The following NCAM2 variants were observed in gnomAD, a reference collection of about 807,000 sequenced individuals.
NCAM2 encodes neural cell adhesion molecule 2, also known as N-CAM-2.
Under a neutral mutation model 98.1 loss-of-function variants are expected in NCAM2, and 30 were observed. The ratio of observed to expected loss-of-function variants is 0.31; its 90% CI spans 0.23 to 0.41. The LOEUF is 0.41. Among genes scored for constraint, NCAM2 ranks in the 10% least tolerant of loss-of-function variants. The probability of loss-of-function intolerance (pLI) is 1.00; values close to 1 mark genes in which losing one functional copy is unlikely to be tolerated. For missense variants in NCAM2, 867 were observed against 1,005.8 expected (o/e 0.86, Z 1.87); for synonymous variants, 368 against 342.4 (o/e 1.07, Z -0.83).
intron 1 of NCAM2, among the ~76,000 whole-genome samples, chr21:21,233,683 A>G (rs1479869841): frequency 2.0e-5 from 3 of 151,768 alleles, no homozygotes; most frequent in Non-Finnish European, 4.4e-5. Flanking sequence ...ATCACCCACT[A>G]TAGATACAAA....
intron 1 of NCAM2, among the ~76,000 whole-genome samples, chr21:21,089,145 G>A (rs1158120292): frequency 6.6e-6 from 1 of 151,932 alleles, no homozygotes; most frequent in East Asian, 1.9e-4. Context: ...CTGAATACAA[G>A]GATTACTTCG....
intron 8 of NCAM2, among the ~76,000 whole-genome samples, chr21:21,371,311 A>G (rs2075909346): frequency 6.6e-6 from 1 of 151,852 alleles, no homozygotes; most frequent in South Asian, 2.1e-4. Context: ...TTCTGTCTAC[A>G]TATTTAGCAG....
chr21:21,288,859 T>C (rs533186179), intron 4 of NCAM2, among the ~76,000 whole-genome samples: 10 of 152,052 alleles, frequency 6.6e-5, no homozygotes, highest in African/African-American at 2.2e-4. Flanking sequence ...GAAATGCTCA[T>C]CTTATTAGCT....
rs139026025 is a variant in NCAM2 at position 21,194,817 on chromosome 21, A to G, written c.56-85761A>G. Among the ~76,000 whole-genome samples, 660 of 152,282 alleles carry G rather than the reference A, an allele frequency of 4.3e-3. 9 individuals carry two copies. The highest frequency in any genetic ancestry group is 0.015 in the African/African-American group (635 of 41,582). On this transcript the variant is annotated intron_variant, in intron 1 of 17. Coordinates refer to ENST00000400546, the MANE Select transcript of NCAM2 (RefSeq NM_004540.5). ...AATAATTACTGCAATCAAATTACCT[A>G]ACATCCATCACCACTCATGTTGTAC... is the stretch of plus-strand genomic sequence containing the variant.
intron 1 of NCAM2, among the ~76,000 whole-genome samples, chr21:21,140,886 T>C (rs1038751039): frequency 3.9e-5 from 6 of 152,164 alleles, no homozygotes; most frequent in African/African-American, 1.4e-4. Flanking sequence ...GTGTAGCAGT[T>C]ACTCTAAGAA....
intron 15 of NCAM2, among the ~76,000 whole-genome samples, chr21:21,503,949 A>G (rs1166364350): frequency 1.3e-5 from 2 of 151,988 alleles, no homozygotes. Context: ...AGCTTAAAGC[A>G]GAAATATAAG....
chr21:21,359,097 T>G (rs919302154), intron 8 of NCAM2, among the ~76,000 whole-genome samples: 1 of 151,712 alleles, frequency 6.6e-6, no homozygotes, highest in Admixed American at 6.6e-5. Flanking sequence ...ATTTTCACGC[T>G]GTGTGTGTGT....
chr21:21,312,263 A>T (rs1480414037), intron 5 of NCAM2, among the ~76,000 whole-genome samples: 1 of 151,840 alleles, frequency 6.6e-6, no homozygotes, highest in Non-Finnish European at 1.5e-5. Context: ...ATGTTATTAC[A>T]TGATTTTTTC....
chr21:21,280,754 A>G lies in NCAM2; in HGVS notation c.130+102A>G, dbSNP rs954657009. ...CTAGTTAAAAACTCAGTTCTCTAAC[A>G]ATAACATCTTACAGTTGGTTTTTTG... is the stretch of plus-strand genomic sequence containing the variant. On this transcript the variant is annotated intron_variant, in intron 2 of 17. Transcript: ENST00000400546. 8 of 713,456 alleles carry G rather than the reference A, an allele frequency of 1.1e-5. No individual in the cohort carries two copies. In the African/African-American group the frequency reaches 1.5e-4, roughly 13 times the overall value. 44.2% of individuals were successfully genotyped at this position (713,456 alleles called of 1,614,324 possible).
intron 15 of NCAM2, among the ~76,000 whole-genome samples, chr21:21,482,698 C>A (rs1284909403): frequency 6.6e-6 from 1 of 151,606 alleles, no homozygotes; most frequent in Non-Finnish European, 1.5e-5. Context: ...AATAATTTTT[C>A]TTGTAAGTAT....
chr21:21,342,299 T>G (rs1465700869), intron 8 of NCAM2, among the ~76,000 whole-genome samples: 1 of 152,190 alleles, frequency 6.6e-6, no homozygotes, highest in East Asian at 1.9e-4. Flanking sequence ...GATCAGAAGT[T>G]TGAGTAAGGC....
chr21:21,526,051 TAGTG>T (rs1421302626), intron 16 of NCAM2, among the ~76,000 whole-genome samples: 2 of 152,092 alleles, frequency 1.3e-5, no homozygotes, highest in African/African-American at 4.8e-5. Context: ...TTTTACATCT[TAGTG>T]AGTAACTAGA....
chr21:21,473,891 C>A (rs1255474598), intron 14 of NCAM2, among the ~76,000 whole-genome samples: 1 of 120,976 alleles, frequency 8.3e-6, no homozygotes. Context: ...TATGGCCCTG[C>A]TATTTTCTGA....
At chr21:21,036,679 C>A (rs779238265) in intron 1 of NCAM2, among the ~76,000 whole-genome samples, 9 of 152,078 alleles carry the variant, frequency 5.9e-5, no homozygotes, top group Non-Finnish European at 1.3e-4. Flanking sequence ...AGCCAAAGAA[C>A]AATGGCCTTG....
chr21:21,259,476 C>T (rs1315526926), intron 1 of NCAM2, among the ~76,000 whole-genome samples: 2 of 151,438 alleles, frequency 1.3e-5, no homozygotes, highest in African/African-American at 4.8e-5. Context: ...CCTCAGTACA[C>T]CTCAACACAA....
At chr21:21,482,015 T>C (rs143936825) in intron 15 of NCAM2, among the ~76,000 whole-genome samples, 3,997 of 152,110 alleles carry the variant, frequency 0.026, 85 homozygotes, top group Non-Finnish European at 0.045. Flanking sequence ...GGAGAATTGC[T>C]TGAACCCGGG....
intron 5 of NCAM2, among the ~76,000 whole-genome samples, chr21:21,304,127 T>C (rs1057139499): frequency 6.6e-6 from 1 of 152,154 alleles, no homozygotes; most frequent in Non-Finnish European, 1.5e-5. Context: ...TTAATTTTTC[T>C]TTTTTCATAT....
intron 1 of NCAM2, among the ~76,000 whole-genome samples, chr21:21,014,552 C>T (rs2064270923): frequency 6.6e-6 from 1 of 152,084 alleles, no homozygotes; most frequent in Admixed American, 6.6e-5. Context: ...CTGTAGGGAC[C>T]TACTTCTCAG....
chr21:21,117,876 T>C (rs887807346), intron 1 of NCAM2, among the ~76,000 whole-genome samples: 1 of 152,230 alleles, frequency 6.6e-6, no homozygotes, highest in Non-Finnish European at 1.5e-5. Context: ...TATGGCTTAG[T>C]ATTAGGGTAT....
Sources: allele counts gnomAD v4.1 joint callset (sites outside exome capture counted in the v4.1 genomes callset), GRCh38; gene constraint gnomAD v4.1.1; transcripts MANE v1.5; gene names NCBI Gene and HGNC (gene_info 2026-07-23, HGNC 2026-07-21).